The following SCN2A variants were observed in gnomAD, a reference collection of about 807,000 sequenced individuals.
The protein encoded by SCN2A is sodium channel protein type 2 subunit alpha.
Under a neutral mutation model 188.7 loss-of-function variants are expected in SCN2A, and 20 were observed. That is an observed-to-expected ratio of 0.11 (90% confidence interval 0.07 to 0.15). SCN2A has a LOEUF of 0.15. Among genes scored for constraint, SCN2A ranks in the 10% least tolerant of loss-of-function variants. The pLI, the probability that SCN2A is intolerant of heterozygous loss-of-function variation, is 1.00. For synonymous variants in SCN2A, 804 were observed against 833.1 expected (o/e 0.97, Z 0.60); for missense variants, 1,278 against 2,445.0 (o/e 0.52, Z 10.07).
chr2:165,345,402 C>G (rs1294034141), intron 16 of SCN2A, among the ~76,000 whole-genome samples: 3 of 152,030 alleles, frequency 2.0e-5, no homozygotes, highest in Non-Finnish European at 4.4e-5. Flanking sequence ...ATTAACCACC[C>G]CTAACACCAT....
chr2:165,264,313 A>C (rs1049905003), intron 1 of SCN2A, among the ~76,000 whole-genome samples: 1 of 152,176 alleles, frequency 6.6e-6, no homozygotes, highest in African/African-American at 2.4e-5. Flanking sequence ...ACAAGTCAAT[A>C]AATGTGATAC....
intron 22 of SCN2A, among the ~76,000 whole-genome samples, chr2:165,377,140 A>G (rs1701357250): frequency 6.6e-6 from 1 of 152,058 alleles, no homozygotes; most frequent in Non-Finnish European, 1.5e-5. Context: ...AAGATTTTCA[A>G]GAATAAGCTG....
At chr2:165,272,549 C>T (rs191687667) in intron 1 of SCN2A, 1 of 152,042 alleles carries the variant, frequency 6.6e-6, no homozygotes, top group Non-Finnish European at 1.5e-5. Context: ...TACCCAACAA[C>T]TTCAGAATAT....
chr2:165,239,700 A>G (rs947552812), intron 1 of SCN2A, 60 bp downstream of exon 1: 78 of 766,480 alleles, frequency 1.0e-4, no homozygotes, highest in Non-Finnish European at 1.2e-4. Context: ...GTTAAGAATG[A>G]CATTTAATAT....
chr2:165,274,822 C>T (rs1479040408), intron 1 of SCN2A, among the ~76,000 whole-genome samples: 1 of 152,194 alleles, frequency 6.6e-6, no homozygotes, highest in Non-Finnish European at 1.5e-5. Context: ...GGCAGCCATC[C>T]AGGTTTGGAT....
chr2:165,294,387 A>T (rs1696389110), intron 1 of SCN2A, among the ~76,000 whole-genome samples: 1 of 152,050 alleles, frequency 6.6e-6, no homozygotes, highest in African/African-American at 2.4e-5. Flanking sequence ...AAAATGAGGG[A>T]TGTTTTGGAG....
chr2:165,375,079 T>C, intron 22 of SCN2A, 113 bp downstream of exon 22: 1 of 908,986 alleles, frequency 1.1e-6, no homozygotes, highest in Non-Finnish European at 1.7e-6. Flanking sequence ...AACAGATAAA[T>C]GACAATAAAT....
At chr2:165,367,677 G>T (rs1438449800) in intron 19 of SCN2A, among the ~76,000 whole-genome samples, 1 of 152,198 alleles carries the variant, frequency 6.6e-6, no homozygotes, top group Non-Finnish European at 1.5e-5. Context: ...CATGATGTAG[G>T]ATTATCAGCT....
intron 1 of SCN2A, among the ~76,000 whole-genome samples, chr2:165,291,414 TCC>T (rs1696128067): frequency 4.0e-4 from 50 of 125,960 alleles, no homozygotes; most frequent in Middle Eastern, 4.2e-3. Flanking sequence ...CTTCCTTCCT[TCC>T]TCCCTGTCTG....
chr2:165,345,589 G>GT (rs967253873), intron 16 of SCN2A, among the ~76,000 whole-genome samples: 42 of 147,710 alleles, frequency 2.8e-4, no homozygotes, highest in African/African-American at 9.0e-4. Context: ...TCCTCCATCC[G>GT]TTTTTTTTGT....
At chr2:165,307,147 G>A (rs1574551149) in intron 3 of SCN2A, among the ~76,000 whole-genome samples, 1 of 152,066 alleles carries the variant, frequency 6.6e-6, no homozygotes, top group Non-Finnish European at 1.5e-5. Context: ...AATTCATTGA[G>A]CATCTATTAC....
intron 12 of SCN2A, 149 bp from the exon 13 acceptor site, chr2:165,326,703 A>G: frequency 9.9e-7 from 1 of 1,011,294 alleles, no homozygotes; most frequent in Non-Finnish European, 1.5e-6. Flanking sequence ...CAACCCCCAA[A>G]GAATTATCAT....
intron 15 of SCN2A, among the ~76,000 whole-genome samples, chr2:165,343,637 C>A (rs773465142): frequency 6.6e-6 from 1 of 152,080 alleles, no homozygotes; most frequent in Non-Finnish European, 1.5e-5. Flanking sequence ...TACTTTCAGC[C>A]TGACATTTAC....
At chr2:165,351,317 T>C (rs1699904040) in intron 16 of SCN2A, among the ~76,000 whole-genome samples, 1 of 152,096 alleles carries the variant, frequency 6.6e-6, no homozygotes, top group African/African-American at 2.4e-5. Context: ...CTTCAATGGA[T>C]TTATGAGAAA....
chr2:165,361,412 A>G (rs1241703839), intron 17 of SCN2A, among the ~76,000 whole-genome samples: 41 of 152,056 alleles, frequency 2.7e-4, no homozygotes, highest in Non-Finnish European at 1.5e-4. Flanking sequence ...TTTTAAATTG[A>G]TAAACATTGG....
intron 1 of SCN2A, among the ~76,000 whole-genome samples, chr2:165,251,515 T>A (rs1218083671): frequency 6.6e-6 from 1 of 152,074 alleles, no homozygotes; most frequent in Non-Finnish European, 1.5e-5. Flanking sequence ...GATTATCTTG[T>A]GTGGTTTAAG....
intron 14 of SCN2A, among the ~76,000 whole-genome samples, chr2:165,341,820 A>AT (rs1436582588): frequency 1.3e-5 from 2 of 152,118 alleles, no homozygotes; most frequent in South Asian, 2.1e-4. Context: ...ACAAAAGGAA[A>AT]TTTTTTTAAG....
chr2:165,308,354 A>G (rs1280647807), intron 4 of SCN2A, among the ~76,000 whole-genome samples: 1 of 152,050 alleles, frequency 6.6e-6, no homozygotes, highest in Non-Finnish European at 1.5e-5. Flanking sequence ...TCATTTTTGT[A>G]TTAATACCTA....
At chr2:165,355,695 C>T (rs548756184) in intron 17 of SCN2A, among the ~76,000 whole-genome samples, 1 of 151,854 alleles carries the variant, frequency 6.6e-6, no homozygotes, top group Non-Finnish European at 1.5e-5. Context: ...ATTTAAGTAG[C>T]ACAACATGAT....
Sources: gnomAD v4.1 joint callset for allele counts (sites outside exome capture counted in the v4.1 genomes callset) on GRCh38, gnomAD v4.1.1 for gene constraint, MANE v1.5 for transcripts, NCBI Gene and HGNC (gene_info 2026-07-23, HGNC 2026-07-21) for gene names.